Variants in BBS9 observed in about 807,000 individuals in gnomAD.
The protein encoded by BBS9 is protein PTHB1.
In BBS9, 89 loss-of-function variants were observed where a neutral mutation model predicts 117.7. The ratio of observed to expected loss-of-function variants is 0.76; its 90% CI spans 0.64 to 0.90. BBS9 has a LOEUF of 0.90. Ranked by LOEUF, BBS9 falls within the 40% of genes least tolerant of loss-of-function variation. The pLI, the probability that BBS9 is intolerant of heterozygous loss-of-function variation, is 0.00. For synonymous variants in BBS9, 379 were observed against 370.9 expected (o/e 1.02, Z -0.25); for missense variants, 982 against 1,042.2 (o/e 0.94, Z 0.80).
At chr7:33,181,230 C>G (rs918733979) in intron 5 of BBS9, among the ~76,000 whole-genome samples, 3 of 152,150 alleles carry the variant, frequency 2.0e-5, no homozygotes, top group Non-Finnish European at 2.9e-5. Flanking sequence ...AAGGAGCCTT[C>G]TGCAGGTGGA....
intron 11 of BBS9, among the ~76,000 whole-genome samples, chr7:33,341,287 T>C (rs973040929): frequency 2.0e-5 from 3 of 152,174 alleles, no homozygotes; most frequent in African/African-American, 7.2e-5. Context: ...TACCATAGCA[T>C]TGACGTAATA....
At chr7:33,592,405 TC>T (rs924695543) in intron 21 of BBS9, among the ~76,000 whole-genome samples, 3 of 152,118 alleles carry the variant, frequency 2.0e-5, no homozygotes, top group Admixed American at 1.3e-4. Context: ...CCATGTCATG[TC>T]CCCTTTCAGA....
chr7:33,632,636 G>T (rs3735417), intron 21 of BBS9, among the ~76,000 whole-genome samples: 41,713 of 151,704 alleles, frequency 0.27, 6,507 homozygotes, highest in East Asian at 0.43. Context: ...GCTTCAGAAC[G>T]ACCACTGCCC....
intron 4 of BBS9, among the ~76,000 whole-genome samples, chr7:33,160,156 A>G (rs1172220501): frequency 6.6e-6 from 1 of 152,202 alleles, no homozygotes; most frequent in Non-Finnish European, 1.5e-5. Flanking sequence ...CATAGCCTTT[A>G]GGGTAGAATC....
chr7:33,135,718 G>A (rs1220102206), intron 1 of BBS9, among the ~76,000 whole-genome samples: 1 of 152,132 alleles, frequency 6.6e-6, no homozygotes, highest in East Asian at 1.9e-4. Context: ...CTACAGAGAA[G>A]CCATCTGGGA....
chr7:33,322,552 G>T (rs1811959363), intron 9 of BBS9, among the ~76,000 whole-genome samples: 1 of 151,826 alleles, frequency 6.6e-6, no homozygotes, highest in African/African-American at 2.4e-5. Context: ...AGCCACTAAT[G>T]ATCCTTTGAA....
At chr7:33,495,291 T>C (rs1013126425) in intron 19 of BBS9, among the ~76,000 whole-genome samples, 1 of 152,228 alleles carries the variant, frequency 6.6e-6, no homozygotes, top group Non-Finnish European at 1.5e-5. Flanking sequence ...TAGCACTTGC[T>C]ACCTTAGCTA....
chr7:33,135,040 A>G lies in BBS9; in HGVS notation c.-12+4999A>G, dbSNP rs139077489. The stretch of plus-strand genomic sequence containing the variant: ...CCCCAGTAGCTGGGACTACAGGCAC[A>G]CACCACTGCACCTGGCTAATTTTTA... On this transcript the variant is annotated intron_variant, in intron 1 of 22. Coordinates refer to ENST00000242067, the MANE Select transcript of BBS9 (RefSeq NM_198428.3). Among the ~76,000 whole-genome samples, 1,000 of 152,180 alleles carry G rather than the reference A, an allele frequency of 6.6e-3. 13 individuals are homozygous for G. Among genetic ancestry groups the G allele is most frequent in the South Asian group, 0.041 (196 of 4,820 alleles).
intron 19 of BBS9, among the ~76,000 whole-genome samples, chr7:33,411,851 A>G (rs1831199130): frequency 6.6e-6 from 1 of 152,188 alleles, no homozygotes; most frequent in Admixed American, 6.5e-5. Context: ...TAGAGGAGGT[A>G]TATAAAGATG....
At chr7:33,314,938 G>A (rs1229190679) in intron 9 of BBS9, among the ~76,000 whole-genome samples, 1 of 152,160 alleles carries the variant, frequency 6.6e-6, no homozygotes, top group East Asian at 1.9e-4. Context: ...GTGGGTATTT[G>A]CTAGGTTGAT....
chr7:33,441,392 C>G (rs114520060), intron 19 of BBS9, among the ~76,000 whole-genome samples: 1 of 152,124 alleles, frequency 6.6e-6, no homozygotes, highest in Admixed American at 6.5e-5. Context: ...TGAGGCGAGA[C>G]GCTAGATTGA....
At chr7:33,590,015 G>T (rs1861579765) in intron 21 of BBS9, among the ~76,000 whole-genome samples, 1 of 152,096 alleles carries the variant, frequency 6.6e-6, no homozygotes, top group African/African-American at 2.4e-5. Flanking sequence ...AGGAAAAGCA[G>T]TAGAATGTGG....
chr7:33,486,518 G>C (rs368519696), intron 19 of BBS9, among the ~76,000 whole-genome samples: 2 of 152,326 alleles, frequency 1.3e-5, no homozygotes, highest in African/African-American at 4.8e-5. Flanking sequence ...TCTTTAAAGT[G>C]AATAAATCCC....
At chr7:33,438,689 C>T (rs1200906478) in intron 19 of BBS9, among the ~76,000 whole-genome samples, 2 of 152,178 alleles carry the variant, frequency 1.3e-5, no homozygotes, top group South Asian at 2.1e-4. Flanking sequence ...AATTCCCATA[C>T]ACTACTTGTA....
intron 9 of BBS9, among the ~76,000 whole-genome samples, chr7:33,274,503 A>G (rs1247496956): frequency 1.3e-5 from 2 of 152,228 alleles, no homozygotes; most frequent in Non-Finnish European, 1.5e-5. Context: ...AAAATGACAG[A>G]AATGAGCCAT....
chr7:33,527,925 T>A (rs1849899156), intron 20 of BBS9, among the ~76,000 whole-genome samples: 1 of 152,234 alleles, frequency 6.6e-6, no homozygotes, highest in East Asian at 1.9e-4. Context: ...CTTTCCAAGA[T>A]ATTTAATTTA....
At chr7:33,205,419 T>C (rs982883703) in intron 5 of BBS9, among the ~76,000 whole-genome samples, 1 of 152,230 alleles carries the variant, frequency 6.6e-6, no homozygotes, top group African/African-American at 2.4e-5. Flanking sequence ...AGTATAAATC[T>C]AAATCCCAGG....
At chr7:33,166,269 C>T (rs1795666584) in intron 4 of BBS9, among the ~76,000 whole-genome samples, 1 of 152,212 alleles carries the variant, frequency 6.6e-6, no homozygotes, top group Admixed American at 6.5e-5. Context: ...AGGTGTCAGT[C>T]AACCCCTACT....
intron 9 of BBS9, among the ~76,000 whole-genome samples, chr7:33,323,115 G>GT (rs982926766): frequency 4.6e-5 from 7 of 151,732 alleles, no homozygotes; most frequent in African/African-American, 1.2e-4. Context: ...TGTTGTTTCA[G>GT]TTTTTTTTGA....
Sources: allele counts gnomAD v4.1 joint callset (sites outside exome capture counted in the v4.1 genomes callset), GRCh38; gene constraint gnomAD v4.1.1; transcripts MANE v1.5; gene names NCBI Gene and HGNC (gene_info 2026-07-23, HGNC 2026-07-21).